The following MAGI1 variants were observed in gnomAD, a reference collection of about 807,000 sequenced individuals.
MAGI1 encodes membrane associated guanylate kinase, WW and PDZ domain containing 1.
Under a neutral mutation model 139.9 loss-of-function variants are expected in MAGI1, and 58 were observed. The ratio of observed to expected loss-of-function variants is 0.41; its 90% CI spans 0.34 to 0.52. MAGI1 has a LOEUF of 0.52. Among genes scored for constraint, MAGI1 ranks in the 20% least tolerant of loss-of-function variants. The pLI is 0.12. For missense variants in MAGI1, 1,874 were observed against 1,901.6 expected (o/e 0.99, Z 0.27); for synonymous variants, 812 against 737.9 (o/e 1.10, Z -1.63).
rs577696157 is a variant in MAGI1 at position 65,712,645 on chromosome 3, G to A, written c.314-90557C>T. 4.4e-4 allele frequency among the ~76,000 whole-genome samples: 67 copies of A among 151,978 alleles called. 2 individuals carry two copies. In the South Asian group the frequency reaches 0.014, roughly 31 times the overall value. ...TCATGCCTCAGTCTCCTGAGTGGCCGGGACTACAGGCACACACCACCACAC... is the reference window on the plus strand; with the variant it reads ...TCATGCCTCAGTCTCCTGAGTGGCCAGGACTACAGGCACACACCACCACAC... On this transcript the variant is annotated intron_variant, in intron 1 of 22. Transcript: ENST00000402939.
chr3:65,396,220 A>C (rs1207822255), intron 13 of MAGI1, among the ~76,000 whole-genome samples: 1 of 152,168 alleles, frequency 6.6e-6, no homozygotes, highest in African/African-American at 2.4e-5. Context: ...ACATATTAAG[A>C]TAGGAATTTC....
intron 1 of MAGI1, among the ~76,000 whole-genome samples, chr3:65,825,581 TTAAA>T (rs35046255): frequency 0.47 from 71,639 of 151,734 alleles, 18,311 homozygotes; most frequent in East Asian, 0.76. Context: ...AAGGGAAATG[TTAAA>T]TAAATTATGG....
intron 12 of MAGI1, among the ~76,000 whole-genome samples, chr3:65,411,586 G>A (rs1945796286): frequency 6.6e-6 from 1 of 152,112 alleles, no homozygotes; most frequent in African/African-American, 2.4e-5. Context: ...AGGATGCTGT[G>A]TGGGCCCTTA....
chr3:65,475,466 AG>A lies in MAGI1; in HGVS notation c.757+3125del, dbSNP rs530227284. Among the ~76,000 whole-genome samples the A allele has an allele frequency of 5.0e-4, 76 of 152,278 alleles. 1 individual carries two copies. Among genetic ancestry groups the A allele is most frequent in the South Asian group, 2.3e-3 (11 of 4,830 alleles). ...TGACCTCAGGTGATCTGCCCGCCTC[AG>A]TTTCCCAAAGTGCTGGGATTACAGG... On this transcript the variant is annotated intron_variant, in intron 4 of 22. Coordinates refer to ENST00000402939, the MANE Select transcript of MAGI1 (RefSeq NM_001033057.2).
intron 1 of MAGI1, among the ~76,000 whole-genome samples, chr3:65,858,134 A>C (rs1348319572): frequency 6.6e-6 from 1 of 152,156 alleles, no homozygotes; most frequent in East Asian, 1.9e-4. Flanking sequence ...AACAAAAATA[A>C]TATTAATTCT....
chr3:65,490,850 AAAAAAAAG>A lies in MAGI1; in HGVS notation c.550+2654_550+2661del, dbSNP rs1219037043. ...CAGAGCGAGACTCTGTCTCAAAAAAAAAAAAAAGAAAAAAGAAAGAAAAATTATGAGCC... is the reference window on the plus strand; with the variant it reads ...CAGAGCGAGACTCTGTCTCAAAAAAAAAAAAAGAAAGAAAAATTATGAGCC... On this transcript the variant is annotated intron_variant, in intron 3 of 22. Coordinates refer to ENST00000402939, the MANE Select transcript of MAGI1 (RefSeq NM_001033057.2). Among the ~76,000 whole-genome samples, 6 of 149,420 alleles carry A rather than the reference AAAAAAAAG, an allele frequency of 4.0e-5. No homozygotes were observed. The East Asian group carries it at 7.9e-4, about 20-fold the overall frequency.
At chr3:65,898,954 C>T (rs1408702816) in intron 1 of MAGI1, among the ~76,000 whole-genome samples, 2 of 152,066 alleles carry the variant, frequency 1.3e-5, no homozygotes, top group Admixed American at 1.3e-4. Flanking sequence ...TTGGGTCTCA[C>T]TCTGCAGCCC....
chr3:65,479,655 A>G (rs1376370979), intron 3 of MAGI1, among the ~76,000 whole-genome samples: 1 of 152,146 alleles, frequency 6.6e-6, no homozygotes, highest in Non-Finnish European at 1.5e-5. Flanking sequence ...AAATTGACTT[A>G]TTTTTCACTT....
intron 1 of MAGI1, among the ~76,000 whole-genome samples, chr3:66,013,130 A>G (rs7621296): frequency 0.4 from 60,387 of 151,886 alleles, 12,992 homozygotes; most frequent in East Asian, 0.67. Context: ...CTGGCTGGGC[A>G]CAGCGGCTCA....
rs1943417001 is a variant in MAGI1, at chr3:65,385,968, C to T, written c.2417-2345G>A. ...GCAAGAGGATTATTACTGAAATAGA[C>T]CACTGGTGCTTTCCAGCCAGCACTG... On this transcript the variant is annotated intron_variant, in intron 14 of 22. Transcript: ENST00000402939. 2.6e-5 allele frequency among the ~76,000 whole-genome samples: 4 copies of T among 152,164 alleles called. No homozygotes were observed. In the South Asian group the frequency reaches 8.3e-4, roughly 32 times the overall value.
chr3:65,509,303 C>G (rs1372192792), intron 2 of MAGI1, among the ~76,000 whole-genome samples: 1 of 152,148 alleles, frequency 6.6e-6, no homozygotes, highest in African/African-American at 2.4e-5. Context: ...GGGGAGGAGC[C>G]AAGATGGCCG....
At chr3:65,492,933 C>A (rs529338042) in intron 3 of MAGI1, among the ~76,000 whole-genome samples, 34 of 152,110 alleles carry the variant, frequency 2.2e-4, no homozygotes, top group Non-Finnish European at 3.5e-4. Context: ...AAAAAATTAG[C>A]CGGGCATGGT....
chr3:65,663,627 G>A (rs980106862), intron 1 of MAGI1, among the ~76,000 whole-genome samples: 21 of 152,168 alleles, frequency 1.4e-4, no homozygotes, highest in African/African-American at 5.1e-4. Flanking sequence ...ATCCATTCCT[G>A]TGCCAGGGTT....
intron 1 of MAGI1, among the ~76,000 whole-genome samples, chr3:65,971,271 C>CA (rs2065002642): frequency 6.6e-6 from 1 of 152,202 alleles, no homozygotes; most frequent in African/African-American, 2.4e-5. Flanking sequence ...CACTAAGCCT[C>CA]AGATCCTTGA....
At chr3:65,912,877 T>C (rs1229802847) in intron 1 of MAGI1, among the ~76,000 whole-genome samples, 1 of 152,134 alleles carries the variant, frequency 6.6e-6, no homozygotes, top group Non-Finnish European at 1.5e-5. Flanking sequence ...GTACAAGTCA[T>C]GAAAGGAAAA....
At chr3:65,461,365 G>A (rs970563938) in intron 5 of MAGI1, among the ~76,000 whole-genome samples, 6 of 151,826 alleles carry the variant, frequency 4.0e-5, no homozygotes, top group African/African-American at 1.5e-4. Flanking sequence ...ATAGGCTCGT[G>A]CCAATACACC....
At chr3:65,855,825 G>A (rs994137680) in intron 1 of MAGI1, among the ~76,000 whole-genome samples, 4 of 151,598 alleles carry the variant, frequency 2.6e-5, no homozygotes, top group African/African-American at 9.7e-5. Context: ...TCAAGCAAAT[G>A]TGAAATGAAG....
chr3:65,759,018 T>G (rs537089872), intron 1 of MAGI1, among the ~76,000 whole-genome samples: 1 of 137,052 alleles, frequency 7.3e-6, no homozygotes, highest in South Asian at 2.4e-4. Flanking sequence ...ATCTCATACA[T>G]ATTTTCTTTA....
chr3:65,546,486 C>T (rs985705809), intron 2 of MAGI1, among the ~76,000 whole-genome samples: 1 of 152,038 alleles, frequency 6.6e-6, no homozygotes, highest in Non-Finnish European at 1.5e-5. Context: ...AATATTTTGG[C>T]CAAACCCTGA....
Sources: allele counts gnomAD v4.1 joint callset (sites outside exome capture counted in the v4.1 genomes callset), GRCh38; gene constraint gnomAD v4.1.1; transcripts MANE v1.5; gene names NCBI Gene and HGNC (gene_info 2026-07-23, HGNC 2026-07-21).